The following SGIP1 variants were observed in gnomAD, a reference collection of about 807,000 sequenced individuals.
SGIP1 encodes the protein SH3-containing GRB2-like protein 3-interacting protein 1.
In SGIP1, 38 loss-of-function variants were observed where a neutral mutation model predicts 107.5. That is an observed-to-expected ratio of 0.35 (90% CI 0.27 to 0.46). The LOEUF is 0.46. Among genes scored for constraint, SGIP1 ranks in the 20% least tolerant of loss-of-function variants. The probability of loss-of-function intolerance (pLI) is 1.00; values close to 1 mark genes in which losing one functional copy is unlikely to be tolerated. For missense variants in SGIP1, 929 were observed against 1,019.5 expected, an observed-to-expected ratio of 0.91 and a Z score of 1.21; for synonymous variants, 365 against 366.1, an observed-to-expected ratio of 1.00 and a Z score of 0.03.
intron 1 of SGIP1, among the ~76,000 whole-genome samples, chr1:66,592,073 C>T (rs2063736583): frequency 6.6e-6 from 1 of 152,160 alleles, no homozygotes; most frequent in African/African-American, 2.4e-5. Context: ...AGATGCCTTC[C>T]TCTTATCTCA....
chr1:66,568,517 A>C (rs1440997833), intron 1 of SGIP1, among the ~76,000 whole-genome samples: 1 of 152,026 alleles, frequency 6.6e-6, no homozygotes, highest in Non-Finnish European at 1.5e-5. Context: ...CCTGGCTTGA[A>C]CTTCCAATAC....
In SGIP1 at chr1:66,740,689, A is replaced by T. The variant is rs767913295; in HGVS notation, c.2266A>T (p.Ile756Phe). 2.4e-5 allele frequency: 39 copies of T among 1,608,712 alleles called. No individual in the cohort carries two copies. The highest frequency in any genetic ancestry group is 1.8e-4 in the Admixed American group (11 of 59,496). ...NAEQQRILWK[I>F]PDISQKSENG... Reference sequence around the variant, plus strand: ...TGAACAACAGAGAATATTGTGGAAGATTCCTGATATCTCTCAGAAGTCAGA... The same window carrying T: ...TGAACAACAGAGAATATTGTGGAAGTTTCCTGATATCTCTCAGAAGTCAGA... The change falls in exon 23 of 25, where the codon ATT becomes TTT. Residue 756 changes from isoleucine (I) to phenylalanine (F), a missense_variant. Around this residue, in one of 2 missense-constraint regions of SGIP1, gnomAD observed 341 missense variants for 430.9 expected, o/e 0.79. Transcript: ENST00000371037.
chr1:66,568,791 G>T (rs1246273014), intron 1 of SGIP1, among the ~76,000 whole-genome samples: 2 of 151,906 alleles, frequency 1.3e-5, no homozygotes, highest in African/African-American at 2.4e-5. Flanking sequence ...AATAGATGCA[G>T]AAAAGGCCTT....
intron 1 of SGIP1, among the ~76,000 whole-genome samples, chr1:66,549,896 T>C (rs1245113839): frequency 1.3e-5 from 2 of 152,088 alleles, no homozygotes; most frequent in African/African-American, 4.8e-5. Flanking sequence ...TATTGCTCCA[T>C]CTCCTAAATA....
chr1:66,679,473 T>A (rs11208945), intron 13 of SGIP1, among the ~76,000 whole-genome samples: 49,589 of 152,020 alleles, frequency 0.33, 9,037 homozygotes, highest in East Asian at 0.79. Context: ...CTCTTGACGT[T>A]CTCTTATTCT....
chr1:66,594,744 C>A (rs1451813258), intron 1 of SGIP1, among the ~76,000 whole-genome samples: 2 of 152,118 alleles, frequency 1.3e-5, no homozygotes, highest in Non-Finnish European at 2.9e-5. Context: ...GCATCCCTCT[C>A]CTAGCTTGGG....
chr1:66,618,231 C>CGGG (rs2069939531), intron 1 of SGIP1, among the ~76,000 whole-genome samples: 2 of 152,230 alleles, frequency 1.3e-5, no homozygotes, highest in Admixed American at 6.5e-5. Context: ...GCAAATCCCT[C>CGGG]ACTCTGAGTC....
At chr1:66,696,597 T>C (rs760287572) in intron 18 of SGIP1, among the ~76,000 whole-genome samples, 4 of 152,202 alleles carry the variant, frequency 2.6e-5, no homozygotes, top group Admixed American at 6.5e-5. Flanking sequence ...GTCATAGAGA[T>C]AGAAGTTCTT....
intron 18 of SGIP1, among the ~76,000 whole-genome samples, chr1:66,716,003 C>T (rs1470311399): frequency 1.3e-5 from 2 of 152,094 alleles, no homozygotes; most frequent in Non-Finnish European, 2.9e-5. Context: ...TGCTTTGCCT[C>T]ATTTTATCCT....
chr1:66,606,870 A>T (rs2066947666), intron 1 of SGIP1, among the ~76,000 whole-genome samples: 1 of 152,196 alleles, frequency 6.6e-6, no homozygotes, highest in Admixed American at 6.5e-5. Flanking sequence ...GGATTAGTAG[A>T]TATGTTCTTG....
intron 5 of SGIP1, 90 bp downstream of exon 5, chr1:66,639,923 C>A (rs897016155): frequency 4.0e-6 from 4 of 1,011,716 alleles, no homozygotes; most frequent in Non-Finnish European, 6.0e-6. Flanking sequence ...TAGAAATAAG[C>A]GAAATGCTCT....
At chr1:66,727,675 C>G (rs1443489230) in intron 19 of SGIP1, among the ~76,000 whole-genome samples, 4 of 152,024 alleles carry the variant, frequency 2.6e-5, no homozygotes, top group South Asian at 4.2e-4. Flanking sequence ...TGTGGTATAC[C>G]CATACACTAC....
At position 66,548,698 on chromosome 1, in the gene SGIP1, A is replaced by C. The variant is rs75583457; in HGVS notation, c.10+14330A>C. ...TCAGAAAGATAGAAATACTTAAGAG[A>C]TCTTACTGTTGACAGAGGTTGACCT... On this transcript the variant is annotated intron_variant, in intron 1 of 24. Coordinates refer to ENST00000371037, the MANE Select transcript of SGIP1 (RefSeq NM_032291.4). Among the ~76,000 whole-genome samples the C allele has an allele frequency of 9.9e-5, 15 of 152,182 alleles. No homozygotes were observed. The East Asian group carries it at 2.5e-3, about 25-fold the overall frequency.
At chr1:66,581,034 T>C (rs1006527281) in intron 1 of SGIP1, among the ~76,000 whole-genome samples, 1 of 152,148 alleles carries the variant, frequency 6.6e-6, no homozygotes, top group Admixed American at 6.6e-5. Flanking sequence ...AGCAAATGTA[T>C]GGAAAATTTG....
rs550660559 is a variant in SGIP1 at position 66,719,283 on chromosome 1, A to G, written c.1631-11A>G. 1.9e-6 allele frequency: 3 copies of G among 1,588,514 alleles called. No individual in the cohort carries two copies. In the South Asian group the frequency reaches 3.4e-5, roughly 18 times the overall value. On this transcript the variant is annotated splice_polypyrimidine_tract_variant and intron_variant, in intron 18 of 24. Coordinates refer to ENST00000371037, the MANE Select transcript of SGIP1 (RefSeq NM_032291.4). ...TTTTCATAATAAATGAAAATTTTTC[A>G]TTTCATGCAGGTTCTTCCAGGGGAC...
At chr1:66,692,054 G>A (rs986958856) in intron 17 of SGIP1, among the ~76,000 whole-genome samples, 5 of 152,018 alleles carry the variant, frequency 3.3e-5, no homozygotes, top group African/African-American at 9.6e-5. Flanking sequence ...AGCCACTTGG[G>A]AGGCTGAGGC....
chr1:66,584,647 T>G (rs905981484), intron 1 of SGIP1, among the ~76,000 whole-genome samples: 4 of 152,188 alleles, frequency 2.6e-5, no homozygotes, highest in Admixed American at 1.3e-4. Flanking sequence ...GATTCCCATA[T>G]TGGTATACAT....
rs373827408 is a variant in SGIP1, at chr1:66,568,187, T to A, written c.10+33819T>A. Reference sequence around the variant, plus strand: ...TGTCCTCTCTTATTTCCTTGAGCAGTGGTTTGTAGTTCTCCCTGAAGAGGT... The same window carrying A: ...TGTCCTCTCTTATTTCCTTGAGCAGAGGTTTGTAGTTCTCCCTGAAGAGGT... On this transcript the variant is annotated intron_variant, in intron 1 of 24. Transcript: ENST00000371037. Among the ~76,000 whole-genome samples the A allele has an allele frequency of 3.3e-5, 5 of 152,242 alleles. No individual in the cohort carries two copies. The East Asian group carries it at 5.8e-4, about 18-fold the overall frequency.
At chr1:66,649,693 G>T (rs996242148) in intron 7 of SGIP1, among the ~76,000 whole-genome samples, 1 of 152,030 alleles carries the variant, frequency 6.6e-6, no homozygotes, top group Non-Finnish European at 1.5e-5. Flanking sequence ...AAAATAATCA[G>T]TGCAGGAATT....
Sources: gnomAD v4.1 joint callset for allele counts (sites outside exome capture counted in the v4.1 genomes callset) on GRCh38, gnomAD v4.1.1 for gene constraint, gnomAD v4.1.1 regional missense constraint, MANE v1.5 for transcripts, NCBI Gene and HGNC (gene_info 2026-07-23, HGNC 2026-07-21) for gene names.